The following STK32A variants were observed in gnomAD, a reference collection of about 807,000 sequenced individuals.
STK32A encodes the protein serine/threonine kinase 32A, also known as serine/threonine-protein kinase 32A.
STK32A carries 41 observed loss-of-function variants against 53.2 expected under a neutral mutation model. The observed-to-expected ratio is 0.77, with a 90% CI of 0.60 to 1.00. STK32A has a LOEUF of 1.00. Ranked by LOEUF, STK32A falls within the 50% of genes least tolerant of loss-of-function variation. The probability of loss-of-function intolerance (pLI) is 0.00; values close to 1 mark genes in which losing one functional copy is unlikely to be tolerated. For synonymous variants in STK32A, 166 were observed against 162.8 expected (o/e 1.02, Z -0.15); for missense variants, 458 against 485.8 (o/e 0.94, Z 0.54).
chr5:147,392,421 T>C (rs1226535469), downstream of STK32A: 1 of 152,198 alleles, frequency 6.6e-6, no homozygotes, highest in Non-Finnish European at 1.5e-5. Context: ...GAGACAATGG[T>C]TTCTCCTAAG....
At chr5:147,237,692 T>C (rs1753383289) in intron 1 of STK32A, among the ~76,000 whole-genome samples, 1 of 152,222 alleles carries the variant, frequency 6.6e-6, no homozygotes, top group Non-Finnish European at 1.5e-5. Context: ...TTGCTCTCTA[T>C]TTAATGATTC....
chr5:147,278,156 A>T lies in STK32A; in HGVS notation c.85A>T (p.Ile29Phe), dbSNP rs746443450. The T allele has an allele frequency of 6.2e-7, 1 of 1,600,872 alleles. No homozygotes were observed. Among genetic ancestry groups the T allele is most frequent in the Non-Finnish European group, 8.5e-7 (1 of 1,173,120 alleles). The change falls in exon 3 of 13, where the codon ATT becomes TTT. Residue 29 changes from isoleucine to phenylalanine, a missense_variant. Ile to Phe is a conservative substitution (Grantham distance 21, BLOSUM62 0). Transcript: ENST00000397936. ...TGACCACTTTGAAATTTTGCGAGCC[A>T]TTGGGAAAGGCAGTTTTGGGAAGGT... ...NFDHFEILRA[I>F]GKGSFGKVCI... is the part of the protein sequence containing the mutation.
At chr5:147,297,363 A>C (rs1752916375) in intron 4 of STK32A, among the ~76,000 whole-genome samples, 1 of 152,182 alleles carries the variant, frequency 6.6e-6, no homozygotes, top group Non-Finnish European at 1.5e-5. Context: ...ATCAATAACA[A>C]ATGGGTACCT....
intron 4 of STK32A, among the ~76,000 whole-genome samples, chr5:147,297,194 C>T: frequency 6.6e-6 from 1 of 152,148 alleles, no homozygotes; most frequent in East Asian, 1.9e-4. Flanking sequence ...AAACAAATGT[C>T]TTGCTCACTG....
At chr5:147,323,673 A>G (rs1003017598) in intron 4 of STK32A, among the ~76,000 whole-genome samples, 1 of 152,144 alleles carries the variant, frequency 6.6e-6, no homozygotes, top group Non-Finnish European at 1.5e-5. Flanking sequence ...TATTATAATT[A>G]CCCTGTTTAT....
chr5:147,237,488 C>T (rs1753373187), intron 1 of STK32A, among the ~76,000 whole-genome samples: 4 of 152,206 alleles, frequency 2.6e-5, no homozygotes, highest in Admixed American at 2.6e-4. Context: ...AAGTGCATCC[C>T]ACTTACTTCT....
chr5:147,270,178 A>C (rs1488392906), intron 2 of STK32A, among the ~76,000 whole-genome samples: 1 of 152,160 alleles, frequency 6.6e-6, no homozygotes, highest in Non-Finnish European at 1.5e-5. Flanking sequence ...GAAAAGATTG[A>C]TACATTTAAC....
chr5:147,297,357 A>G (rs1752916254), intron 4 of STK32A, among the ~76,000 whole-genome samples: 1 of 152,218 alleles, frequency 6.6e-6, no homozygotes. Context: ...AAAAGAATCA[A>G]TAACAAATGG....
chr5:147,353,001 GAGTGGAGTCTAGGCAT>G (rs1756054474), intron 7 of STK32A, among the ~76,000 whole-genome samples: 1 of 152,192 alleles, frequency 6.6e-6, no homozygotes, highest in Admixed American at 6.5e-5. Context: ...GAATCACTGA[GAGTGGAGTCTAGGCAT>G]AGTGTGATTT....
At chr5:147,311,521 A>G (rs569294493) in intron 4 of STK32A, among the ~76,000 whole-genome samples, 1 of 152,214 alleles carries the variant, frequency 6.6e-6, no homozygotes, top group Non-Finnish European at 1.5e-5. Context: ...AATGGTGATT[A>G]TACAATATAA....
intron 1 of STK32A, among the ~76,000 whole-genome samples, chr5:147,238,761 T>C (rs17318543): frequency 0.079 from 12,001 of 151,864 alleles, 556 homozygotes; most frequent in Admixed American, 0.13. Context: ...AGTGTATGCA[T>C]ATCATAGATT....
At chr5:147,391,993 T>G (rs1311909053), downstream of STK32A, 1 of 152,074 alleles carries the variant, frequency 6.6e-6, no homozygotes, top group Non-Finnish European at 1.5e-5. Context: ...GAGCAGAGAG[T>G]GCAGAAGTGG....
At chr5:147,317,342 T>TTC (rs1314557090) in intron 4 of STK32A, among the ~76,000 whole-genome samples, 1 of 142,154 alleles carries the variant, frequency 7.0e-6, no homozygotes, top group African/African-American at 2.6e-5. Flanking sequence ...TTTTTTTTTT[T>TTC]TTTTTGAGAG....
chr5:147,289,932 T>C (rs1425708876), intron 4 of STK32A, among the ~76,000 whole-genome samples: 1 of 152,182 alleles, frequency 6.6e-6, no homozygotes, highest in African/African-American at 2.4e-5. Context: ...AAATACAAGA[T>C]GCACAGTTAT....
intron 4 of STK32A, among the ~76,000 whole-genome samples, chr5:147,301,733 G>A (rs543326282): frequency 6.6e-6 from 1 of 152,272 alleles, no homozygotes; most frequent in Admixed American, 6.5e-5. Flanking sequence ...AGACATCATA[G>A]ATTTAGTATC....
At chr5:147,257,529 A>G (rs1364416835) in intron 2 of STK32A, among the ~76,000 whole-genome samples, 1 of 152,314 alleles carries the variant, frequency 6.6e-6, no homozygotes, top group Non-Finnish European at 1.5e-5. Flanking sequence ...TAGAATAGAT[A>G]AAAGAGAGTT....
In STK32A at chr5:147,384,347, T is replaced by C; in HGVS notation, c.*364T>C. 1 of 1,493,864 alleles carries C rather than the reference T, an allele frequency of 6.7e-7. No homozygotes were observed. The highest frequency in any genetic ancestry group is 2.1e-5 in the Admixed American group (1 of 48,030). The allele number at this position is 1,493,864 out of a possible 1,614,324, so 92.5% of individuals were successfully genotyped here. A position where few individuals can be genotyped will look rare whatever the true frequency, so the allele number is the denominator to read the frequency against. On this transcript the variant is annotated 3_prime_UTR_variant, in exon 13 of 13. Transcript: ENST00000397936. ...TAAAATTAATATATGAATATAGATT[T>C]ATTTTTCCACTCCTTCTAATTATGC...
At chr5:147,249,989 G>A (rs1318082030) in intron 2 of STK32A, among the ~76,000 whole-genome samples, 1 of 151,036 alleles carries the variant, frequency 6.6e-6, no homozygotes, top group Non-Finnish European at 1.5e-5. Flanking sequence ...CAGTGTGGCA[G>A]TGCAGACGGA....
intron 7 of STK32A, among the ~76,000 whole-genome samples, chr5:147,359,928 G>A (rs968398519): frequency 6.6e-6 from 1 of 152,174 alleles, no homozygotes; most frequent in Non-Finnish European, 1.5e-5. Flanking sequence ...CACTGGGTAG[G>A]GAAAACCTGT....
Sources: gnomAD v4.1 joint callset for allele counts (sites outside exome capture counted in the v4.1 genomes callset) on GRCh38, gnomAD v4.1.1 for gene constraint, MANE v1.5 for transcripts, NCBI Gene and HGNC (gene_info 2026-07-23, HGNC 2026-07-21) for gene names.